UBE2E2: variants seen among roughly 807,000 people sequenced by gnomAD.
The protein encoded by UBE2E2 is ubiquitin conjugating enzyme E2 E2.
In UBE2E2, 6 loss-of-function variants were observed where a neutral mutation model predicts 24.7. That is an observed-to-expected ratio of 0.24 (90% confidence interval 0.13 to 0.48). The LOEUF (loss-of-function observed/expected upper bound fraction) is 0.48. Ranked by LOEUF, UBE2E2 falls within the 20% of genes least tolerant of loss-of-function variation. UBE2E2 has a pLI of 0.99. For synonymous variants in UBE2E2, 104 were observed against 83.6 expected (o/e 1.24, Z -1.33); for missense variants, 169 against 245.0 (o/e 0.69, Z 2.07).
intron 3 of UBE2E2, among the ~76,000 whole-genome samples, chr3:23,304,004 C>T (rs1164042366): frequency 6.6e-6 from 1 of 152,212 alleles, no homozygotes; most frequent in Non-Finnish European, 1.5e-5. Context: ...GGCTTTAGCA[C>T]AGCTACTACT....
intron 5 of UBE2E2, among the ~76,000 whole-genome samples, chr3:23,542,012 A>G (rs1218465609): frequency 6.6e-6 from 1 of 152,226 alleles, no homozygotes; most frequent in Non-Finnish European, 1.5e-5. Flanking sequence ...GCAGGCCTAG[A>G]GAAGATGTCT....
chr3:23,266,292 T>C (rs1352733692), intron 3 of UBE2E2, among the ~76,000 whole-genome samples: 1 of 152,210 alleles, frequency 6.6e-6, no homozygotes, highest in Non-Finnish European at 1.5e-5. Context: ...TGCCAGTTGT[T>C]CCTTTCCATG....
intron 3 of UBE2E2, among the ~76,000 whole-genome samples, chr3:23,349,626 G>C (rs1419533007): frequency 6.6e-6 from 1 of 152,228 alleles, no homozygotes; most frequent in Non-Finnish European, 1.5e-5. Flanking sequence ...GAATCTCGCT[G>C]ATTGCTAGCA....
At chr3:23,368,352 C>A (rs1271175455) in intron 3 of UBE2E2, among the ~76,000 whole-genome samples, 2 of 152,094 alleles carry the variant, frequency 1.3e-5, no homozygotes, top group Non-Finnish European at 2.9e-5. Context: ...CTTCCCACAA[C>A]CTCAAAAGAT....
chr3:23,531,867 G>A (rs1420685936), intron 4 of UBE2E2, among the ~76,000 whole-genome samples: 2 of 152,042 alleles, frequency 1.3e-5, no homozygotes, highest in Non-Finnish European at 2.9e-5. Flanking sequence ...TTCAAGACCA[G>A]CCTGGCCAAC....
At chr3:23,358,751 A>G (rs558707620) in intron 3 of UBE2E2, among the ~76,000 whole-genome samples, 15 of 152,352 alleles carry the variant, frequency 9.8e-5, no homozygotes, top group South Asian at 4.1e-4. Context: ...ATTTCTTGCT[A>G]TGGAAAGCAA....
rs138541768 is a variant in UBE2E2, at chr3:23,379,778, C to T, written c.228-119830C>T. On this transcript the variant is annotated intron_variant, in intron 3 of 5. Coordinates refer to ENST00000396703, the MANE Select transcript of UBE2E2 (RefSeq NM_152653.4). ...CACCTCTCTGAGGAGGTGACCTTTA[C>T]GTTGAAATTCTGAAGAAAGTAGGGC... Among the ~76,000 whole-genome samples, 562 of 151,980 alleles carry T rather than the reference C, an allele frequency of 3.7e-3. 4 individuals are homozygous for T. The highest frequency in any genetic ancestry group is 0.012 in the African/African-American group (513 of 41,460).
At chr3:23,566,124 G>C (rs1696067811) in intron 5 of UBE2E2, among the ~76,000 whole-genome samples, 1 of 152,122 alleles carries the variant, frequency 6.6e-6, no homozygotes, top group Non-Finnish European at 1.5e-5. Flanking sequence ...AAATTAACAT[G>C]TTTGCCTCTT....
chr3:23,401,563 T>C (rs55797660), intron 3 of UBE2E2, among the ~76,000 whole-genome samples: 71,521 of 151,916 alleles, frequency 0.47, 17,162 homozygotes, highest in South Asian at 0.57. Context: ...CTTACTATGC[T>C]GTAAAGAAGC....
chr3:23,421,260 T>C (rs1040193033), intron 3 of UBE2E2, among the ~76,000 whole-genome samples: 1 of 152,224 alleles, frequency 6.6e-6, no homozygotes, highest in African/African-American at 2.4e-5. Flanking sequence ...AGGTGATGGC[T>C]GGTATCTGTT....
At chr3:23,543,413 G>A (rs9815921) in intron 5 of UBE2E2, among the ~76,000 whole-genome samples, 81,071 of 151,798 alleles carry the variant, frequency 0.53, 22,100 homozygotes, top group East Asian at 0.73. Flanking sequence ...CTGTATATCA[G>A]CAACAGCCAA....
intron 5 of UBE2E2, among the ~76,000 whole-genome samples, chr3:23,557,577 C>T (rs760811317): frequency 6.6e-6 from 1 of 152,114 alleles, no homozygotes; most frequent in Non-Finnish European, 1.5e-5. Context: ...CTGGAGTACC[C>T]AGAGAAAACC....
intron 3 of UBE2E2, among the ~76,000 whole-genome samples, chr3:23,475,295 C>A (rs1471967281): frequency 6.6e-6 from 1 of 152,052 alleles, no homozygotes; most frequent in Admixed American, 6.5e-5. Context: ...ACTGTTGACT[C>A]ACAAATCTCT....
chr3:23,505,083 T>G (rs1694409057), intron 4 of UBE2E2, among the ~76,000 whole-genome samples: 1 of 150,108 alleles, frequency 6.7e-6, no homozygotes, highest in African/African-American at 2.5e-5. Context: ...TTTTTGTTTT[T>G]TTTTTTGTTT....
chr3:23,468,463 C>G (rs73043630), intron 3 of UBE2E2, among the ~76,000 whole-genome samples: 7 of 152,234 alleles, frequency 4.6e-5, no homozygotes, highest in Non-Finnish European at 1.0e-4. Context: ...AAGCAGTGGT[C>G]TTAAAATAAA....
intron 3 of UBE2E2, among the ~76,000 whole-genome samples, chr3:23,279,153 T>C (rs1464545897): frequency 6.6e-6 from 1 of 152,196 alleles, no homozygotes; most frequent in Non-Finnish European, 1.5e-5. Flanking sequence ...TTTATAATTG[T>C]ATCATTCATT....
At chr3:23,292,606 C>T (rs1185478524) in intron 3 of UBE2E2, among the ~76,000 whole-genome samples, 1 of 152,178 alleles carries the variant, frequency 6.6e-6, no homozygotes, top group Non-Finnish European at 1.5e-5. Flanking sequence ...TAAAATTCAC[C>T]TCCTCCTGGG....
At chr3:23,581,091 G>T (rs911789627) in intron 5 of UBE2E2, among the ~76,000 whole-genome samples, 15 of 151,790 alleles carry the variant, frequency 9.9e-5, no homozygotes, top group Admixed American at 6.6e-4. Flanking sequence ...TTATTTTTGA[G>T]GTGGGGTCTC....
intron 3 of UBE2E2, among the ~76,000 whole-genome samples, chr3:23,303,652 G>A (rs912199668): frequency 7.9e-5 from 12 of 152,282 alleles, no homozygotes; most frequent in Middle Eastern, 3.4e-3. Context: ...GCATGAGTGA[G>A]GGGTGCATTT....
Sources: allele counts gnomAD v4.1 joint callset (sites outside exome capture counted in the v4.1 genomes callset), GRCh38; gene constraint gnomAD v4.1.1; transcripts MANE v1.5; gene names NCBI Gene and HGNC (gene_info 2026-07-23, HGNC 2026-07-21).